Variants in NEK11 observed in about 807,000 individuals in gnomAD.
NEK11 encodes the protein serine/threonine-protein kinase Nek11.
NEK11 carries 72 observed loss-of-function variants against 80.7 expected under a neutral mutation model. That is an observed-to-expected ratio of 0.89 (90% CI 0.74 to 1.08). The LOEUF (loss-of-function observed/expected upper bound fraction) is 1.08. NEK11 is among the 50% of genes least tolerant of loss of function. The pLI, the probability that NEK11 is intolerant of heterozygous loss-of-function variation, is 0.00. For synonymous variants in NEK11, 251 were observed against 260.7 expected, an observed-to-expected ratio of 0.96 and a Z score of 0.36; for missense variants, 764 against 763.6, an observed-to-expected ratio of 1.00 and a Z score of -0.01.
chr3:131,166,262 C>T (rs770255852), intron 12 of NEK11, among the ~76,000 whole-genome samples: 9 of 152,202 alleles, frequency 5.9e-5, no homozygotes, highest in Admixed American at 1.3e-4. Context: ...TTTTTATTCA[C>T]GGAGATCCCT....
At chr3:131,106,226 T>C (rs1350905124) in intron 4 of NEK11, among the ~76,000 whole-genome samples, 1 of 151,994 alleles carries the variant, frequency 6.6e-6, no homozygotes, top group Non-Finnish European at 1.5e-5. Flanking sequence ...CAACTGTCTT[T>C]AGTCTCTCTG....
chr3:131,093,597 A>G (rs1299736218), intron 4 of NEK11, among the ~76,000 whole-genome samples: 1 of 152,126 alleles, frequency 6.6e-6, no homozygotes, highest in Non-Finnish European at 1.5e-5. Context: ...TTGTATTTTT[A>G]GTAGAGATGG....
rs148895591 is a variant in NEK11, at chr3:131,293,307, A to AT, written c.1718+19737dup. On this transcript the variant is annotated intron_variant, in intron 17 of 17. Transcript: ENST00000383366. Reference sequence around the variant, plus strand: ...AATTTTTATCATGAATGGGTGTTGTATTTTGTCAAAAGCTTTTGTTTGTGT... The same window carrying AT: ...AATTTTTATCATGAATGGGTGTTGTATTTTTGTCAAAAGCTTTTGTTTGTGT... Among the ~76,000 whole-genome samples, 554 of 152,112 alleles carry AT rather than the reference A, an allele frequency of 3.6e-3. 23 individuals are homozygous for AT. The East Asian group carries it at 0.087, about 24-fold the overall frequency.
intron 17 of NEK11, among the ~76,000 whole-genome samples, chr3:131,320,380 T>C (rs2096884722): frequency 6.6e-6 from 1 of 152,136 alleles, no homozygotes; most frequent in Non-Finnish European, 1.5e-5. Context: ...AAACAAACTG[T>C]GATTCATAAT....
intron 14 of NEK11, among the ~76,000 whole-genome samples, chr3:131,190,228 C>T (rs1380873870): frequency 2.0e-5 from 3 of 152,104 alleles, no homozygotes; most frequent in Non-Finnish European, 4.4e-5. Flanking sequence ...TCACATGTGC[C>T]CGGCACTGTC....
At chr3:131,207,366 G>C (rs1184324423) in intron 14 of NEK11, among the ~76,000 whole-genome samples, 3 of 152,100 alleles carry the variant, frequency 2.0e-5, no homozygotes, top group Non-Finnish European at 4.4e-5. Flanking sequence ...GGTGGATCAC[G>C]AGGTCAGGAG....
intron 17 of NEK11, among the ~76,000 whole-genome samples, chr3:131,310,707 GA>G (rs942980982): frequency 1.3e-5 from 2 of 152,012 alleles, no homozygotes; most frequent in South Asian, 2.1e-4. Flanking sequence ...AACATCTGCA[GA>G]AAAAAAATAC....
rs145148470 is a variant in NEK11, at chr3:131,115,173, A to G, written c.455+5252A>G. ...TGGAACAAAAGACAGAGGAAGGAGG[A>G]ATTTGCCCCCTTGTTCCTGCCTCAC... On this transcript the variant is annotated intron_variant, in intron 5 of 17. Coordinates refer to ENST00000383366, the MANE Select transcript of NEK11 (RefSeq NM_024800.5). Among the ~76,000 whole-genome samples, 1,305 of 152,248 alleles carry G rather than the reference A, an allele frequency of 8.6e-3. 25 individuals are homozygous for G. Among genetic ancestry groups the G allele is most frequent in the Non-Finnish European group, 0.013 (856 of 68,018 alleles).
chr3:131,080,983 G>T (rs1046109076), intron 4 of NEK11, among the ~76,000 whole-genome samples: 13 of 152,102 alleles, frequency 8.5e-5, no homozygotes, highest in African/African-American at 3.1e-4. Context: ...GGTTGTATGA[G>T]CCTGTAGTTC....
At chr3:131,322,656 T>A (rs1343064367) in intron 17 of NEK11, among the ~76,000 whole-genome samples, 1 of 151,996 alleles carries the variant, frequency 6.6e-6, no homozygotes, top group Non-Finnish European at 1.5e-5. Context: ...TGAGGAGGGG[T>A]GAGAGATTCT....
intron 3 of NEK11, among the ~76,000 whole-genome samples, chr3:131,057,300 A>G (rs2069743600): frequency 2.0e-5 from 3 of 152,116 alleles, no homozygotes; most frequent in African/African-American, 4.8e-5. Context: ...TTGGACGTTT[A>G]GGTTGGTTCC....
At chr3:131,335,067 T>C (rs936185257) in intron 17 of NEK11, among the ~76,000 whole-genome samples, 1 of 152,208 alleles carries the variant, frequency 6.6e-6, no homozygotes, top group African/African-American at 2.4e-5. Context: ...CCATTCCTTC[T>C]GAAACTATTC....
In NEK11 at chr3:131,135,255, T is replaced by C. The variant is rs1372443766; in HGVS notation, c.647+1299T>C. On this transcript the variant is annotated intron_variant, in intron 7 of 17. Transcript: ENST00000383366. ...TGAATCCCGTCCTTTCAATTCAGTC[T>C]TGCAATTGTTCATTTCTAAATTATT... 3.9e-5 allele frequency among the ~76,000 whole-genome samples: 6 copies of C among 152,274 alleles called. 1 individual carries two copies. In the Middle Eastern group the frequency reaches 0.017, roughly 432 times the overall value.
At chr3:131,335,527 A>C (rs1405098432) in intron 17 of NEK11, among the ~76,000 whole-genome samples, 1 of 152,208 alleles carries the variant, frequency 6.6e-6, no homozygotes. Flanking sequence ...AATGGGCAAA[A>C]ACTGGAAGCA....
At chr3:131,126,525 TTA>T (rs1218422945) in intron 5 of NEK11, among the ~76,000 whole-genome samples, 1 of 152,236 alleles carries the variant, frequency 6.6e-6, no homozygotes, top group Non-Finnish European at 1.5e-5. Context: ...TTTGAAAATG[TTA>T]TCTCACTGTC....
chr3:131,247,771 C>G (rs2095628269), intron 16 of NEK11, among the ~76,000 whole-genome samples: 1 of 149,316 alleles, frequency 6.7e-6, no homozygotes, highest in Non-Finnish European at 1.5e-5. Flanking sequence ...TCTATGATTT[C>G]TTTCATTAGT....
chr3:131,078,853 C>T (rs2074801256), intron 3 of NEK11, among the ~76,000 whole-genome samples: 1 of 150,422 alleles, frequency 6.6e-6, no homozygotes, highest in Non-Finnish European at 1.5e-5. Context: ...CCAATGTCCT[C>T]TGGTTAGAGA....
At chr3:131,276,288 T>C (rs148420671) in intron 17 of NEK11, among the ~76,000 whole-genome samples, 87 of 152,316 alleles carry the variant, frequency 5.7e-4, no homozygotes, top group Admixed American at 1.2e-3. Flanking sequence ...GAGGGAATCT[T>C]CTGGAGACCA....
intron 14 of NEK11, among the ~76,000 whole-genome samples, chr3:131,202,130 A>G (rs185557091): frequency 1.3e-5 from 2 of 152,238 alleles, no homozygotes; most frequent in Admixed American, 1.3e-4. Context: ...GGTCCATTCC[A>G]AGAGGGCGGA....
Sources: gnomAD v4.1 joint callset for allele counts (sites outside exome capture counted in the v4.1 genomes callset) on GRCh38, gnomAD v4.1.1 for gene constraint, MANE v1.5 for transcripts, NCBI Gene and HGNC (gene_info 2026-07-23, HGNC 2026-07-21) for gene names.